The following ALG8 variants were observed in gnomAD, a reference collection of about 807,000 sequenced individuals.
ALG8 encodes the protein dolichyl pyrophosphate Glc1Man9GlcNAc2 alpha-1,3-glucosyltransferase.
Under a neutral mutation model 70.2 loss-of-function variants are expected in ALG8, and 48 were observed. The observed-to-expected ratio is 0.68, with a 90% confidence interval of 0.54 to 0.87. The LOEUF (loss-of-function observed/expected upper bound fraction) is 0.87. ALG8 is among the 40% of genes least tolerant of loss of function. ALG8 has a pLI of 0.00. For synonymous variants in ALG8, 234 were observed against 229.0 expected (o/e 1.02, Z -0.20); for missense variants, 572 against 608.7 (o/e 0.94, Z 0.64).
intron 7 of ALG8, among the ~76,000 whole-genome samples, chr11:78,113,511 G>A (rs1394912482): frequency 2.0e-5 from 3 of 151,964 alleles, no homozygotes; most frequent in Admixed American, 6.6e-5. Flanking sequence ...TCAGAAGTTC[G>A]AGTCCAGCCT....
At chr11:78,127,327 TAA>T (rs59662312) in intron 2 of ALG8, 29 bp downstream of exon 2, 3,700 of 1,336,578 alleles carry the variant, frequency 2.8e-3, no homozygotes, top group South Asian at 3.4e-3. Flanking sequence ...AGATGAATCT[TAA>T]AAAAAAAAAG....
At chr11:78,132,593 G>C (rs1053341013) in intron 1 of ALG8, among the ~76,000 whole-genome samples, 19 of 152,032 alleles carry the variant, frequency 1.2e-4, no homozygotes, top group African/African-American at 4.6e-4. Context: ...AGCTACACTG[G>C]CCTTATCATA....
chr11:78,116,661 T>G (rs1860586376), intron 5 of ALG8, among the ~76,000 whole-genome samples: 1 of 151,164 alleles, frequency 6.6e-6, no homozygotes, highest in Admixed American at 6.6e-5. Context: ...GAGGTTACAG[T>G]GTGCTGTGAC....
chr11:78,122,342 ATTTTTT>A (rs375214398), intron 3 of ALG8, among the ~76,000 whole-genome samples: 1 of 138,926 alleles, frequency 7.2e-6, no homozygotes, highest in Non-Finnish European at 1.6e-5. Context: ...AGAGATTTCA[ATTTTTT>A]TTTTTTTTTT....
At chr11:78,104,157 T>C in intron 11 of ALG8, 105 bp from the exon 12 acceptor site, 1 of 907,892 alleles carries the variant, frequency 1.1e-6, no homozygotes, top group South Asian at 1.6e-5. Context: ...GTGCTAATAA[T>C]ACTTTTTAAG....
chr11:78,135,864 GAAAA>G (rs57209723), intron 1 of ALG8, among the ~76,000 whole-genome samples: 1 of 140,794 alleles, frequency 7.1e-6, no homozygotes, highest in African/African-American at 2.7e-5. Context: ...AAATAAATAA[GAAAA>G]AAAAAAAAGA....
chr11:78,121,659 C>T (rs1245536674), intron 3 of ALG8, among the ~76,000 whole-genome samples: 17 of 151,438 alleles, frequency 1.1e-4, no homozygotes, highest in Non-Finnish European at 2.2e-4. Context: ...CTTCATTTAA[C>T]AAAATTAAAA....
chr11:78,120,943 C>A (rs2136919350), intron 4 of ALG8, 122 bp downstream of exon 4: 2 of 918,622 alleles, frequency 2.2e-6, no homozygotes, highest in Non-Finnish European at 3.5e-6. Flanking sequence ...AGCCTACTAA[C>A]CCACCCCACA....
chr11:78,115,755 A>T (rs577655971), intron 5 of ALG8, among the ~76,000 whole-genome samples: 1 of 152,338 alleles, frequency 6.6e-6, no homozygotes, highest in African/African-American at 2.4e-5. Context: ...TCACATACTA[A>T]GCCTTATGCT....
intron 12 of ALG8, 55 bp downstream of exon 12, chr11:78,103,925 T>G: frequency 1.0e-6 from 1 of 979,924 alleles, no homozygotes; most frequent in Non-Finnish European, 1.6e-6. Context: ...ATTTGACCAC[T>G]TAGGTGTAAA....
chr11:78,108,950 G>A (rs1860163305), intron 9 of ALG8, among the ~76,000 whole-genome samples: 1 of 152,118 alleles, frequency 6.6e-6, no homozygotes, highest in Non-Finnish European at 1.5e-5. Flanking sequence ...CTTAGAATGA[G>A]GCCTCTAAGA....
At position 78,109,627 on chromosome 11, in the gene ALG8, T is replaced by C. The variant is rs1789032; in HGVS notation, c.899-46A>G. 268,526 of 1,525,356 alleles carry C rather than the reference T, an allele frequency of 0.18. 26,308 individuals are homozygous for C. Among genetic ancestry groups the C allele is most frequent in the African/African-American group, 0.39 (28,215 of 72,974 alleles). The allele number at this position is 1,525,356 out of a possible 1,614,324, so 94.5% of individuals were successfully genotyped here. A position where few individuals can be genotyped will look rare whatever the true frequency, so the allele number is the denominator to read the frequency against. ...TTTGTTTTATTTTTATCTTTATTAC[T>C]GAGATACCATATATTAACAATCAAT... On this transcript the variant is annotated intron_variant, in intron 8 of 12. Coordinates refer to ENST00000299626, the MANE Select transcript of ALG8 (RefSeq NM_024079.5).
chr11:78,113,494 C>T (rs1034687905), intron 7 of ALG8, among the ~76,000 whole-genome samples: 1 of 152,014 alleles, frequency 6.6e-6, no homozygotes, highest in African/African-American at 2.4e-5. Context: ...AGGTGGATCA[C>T]CTGAGGTCAG....
At position 78,124,714 on chromosome 11, in the gene ALG8, G is replaced by C. The variant is rs539070172; in HGVS notation, c.175-500C>G. Among the ~76,000 whole-genome samples the C allele has an allele frequency of 6.6e-5, 10 of 152,206 alleles. No individual in the cohort carries two copies. The South Asian group carries it at 1.9e-3, about 28-fold the overall frequency. ...TAACTTAGGTTCAAATTCTGTCTTA[G>C]AGACACAATTTCCCTATTTGTAAAA... On this transcript the variant is annotated intron_variant, in intron 2 of 12. Coordinates refer to ENST00000299626, the MANE Select transcript of ALG8 (RefSeq NM_024079.5).
At position 78,119,030 on chromosome 11, in the gene ALG8, G is replaced by T. The variant is rs941490457; in HGVS notation, c.546+152C>A. 11 of 640,738 alleles carry T rather than the reference G, an allele frequency of 1.7e-5. No individual in the cohort carries two copies. The East Asian group carries it at 2.8e-4, about 16-fold the overall frequency. The allele number at this position is 640,738 out of a possible 1,614,324, so 39.7% of individuals were successfully genotyped here. On this transcript the variant is annotated intron_variant, in intron 5 of 12. Transcript: ENST00000299626. ...GAAAATTATGGTCAAAAGAGAAGATGGAATTTGTGAGAAATACCTAATAAA... is the reference window on the plus strand; with the variant it reads ...GAAAATTATGGTCAAAAGAGAAGATTGAATTTGTGAGAAATACCTAATAAA...
At position 78,127,796 on chromosome 11, in the gene ALG8, GC is replaced by G. The variant is rs528628442; in HGVS notation, c.96-361del. Among the ~76,000 whole-genome samples, 12 of 146,944 alleles carry G rather than the reference GC, an allele frequency of 8.2e-5. No individual in the cohort carries two copies. The South Asian group carries it at 2.6e-3, about 32-fold the overall frequency. ...CCCATCTCAGCTCACTGCAACTGCC[GC>G]CCCCCGGGTTCACGCGAGTCTCCTG... On this transcript the variant is annotated intron_variant, in intron 1 of 12. Coordinates refer to ENST00000299626, the MANE Select transcript of ALG8 (RefSeq NM_024079.5).
intron 1 of ALG8, chr11:78,137,620 T>C (rs1014191597): frequency 2.6e-5 from 4 of 152,172 alleles, no homozygotes; most frequent in African/African-American, 9.7e-5. Context: ...CTAACTTTAT[T>C]ATTGTATCTC....
At chr11:78,138,861 C>T (rs1861671045) in intron 1 of ALG8, 6 of 451,360 alleles carry the variant, frequency 1.3e-5, no homozygotes, top group Admixed American at 4.8e-5. Flanking sequence ...ACTCCTCTCC[C>T]TCAATGCTCT....
intron 1 of ALG8, among the ~76,000 whole-genome samples, chr11:78,128,234 C>G (rs1861161092): frequency 6.6e-6 from 1 of 152,206 alleles, no homozygotes. Context: ...GATCACCTAT[C>G]TTTAGAAAAA....
Sources: allele counts gnomAD v4.1 joint callset (sites outside exome capture counted in the v4.1 genomes callset), GRCh38; gene constraint gnomAD v4.1.1; transcripts MANE v1.5; gene names NCBI Gene and HGNC (gene_info 2026-07-23, HGNC 2026-07-21).